The following ANKS1B variants were observed in gnomAD, a reference collection of about 807,000 sequenced individuals.
The protein encoded by ANKS1B is ankyrin repeat and sterile alpha motif domain containing 1B.
A neutral mutation model predicts 148.3 loss-of-function variants in ANKS1B; 36 were observed. That is an observed-to-expected ratio of 0.24 (90% CI 0.19 to 0.32). The LOEUF (loss-of-function observed/expected upper bound fraction) is 0.32. Ranked by LOEUF, ANKS1B falls within the 10% of genes least tolerant of loss-of-function variation. ANKS1B has a pLI of 1.00. For missense variants in ANKS1B, 1,157 were observed against 1,542.6 expected, an observed-to-expected ratio of 0.75 and a Z score of 4.19; for synonymous variants, 542 against 560.8, an observed-to-expected ratio of 0.97 and a Z score of 0.47.
At chr12:99,052,410 G>C (rs1024339312) in intron 17 of ANKS1B, among the ~76,000 whole-genome samples, 1 of 152,208 alleles carries the variant, frequency 6.6e-6, no homozygotes, top group African/African-American at 2.4e-5. Flanking sequence ...CTTGGAGTGT[G>C]GGATTTGTAT....
At chr12:99,760,950 T>C (rs2062037368) in intron 8 of ANKS1B, among the ~76,000 whole-genome samples, 1 of 146,038 alleles carries the variant, frequency 6.8e-6, no homozygotes, top group Non-Finnish European at 1.5e-5. Flanking sequence ...CTAGAGGAAG[T>C]AGATAAATTC....
In ANKS1B at chr12:99,501,093, T is replaced by C. The variant is rs189820742; in HGVS notation, c.1438+3383A>G. On this transcript the variant is annotated intron_variant, in intron 10 of 26. Transcript: ENST00000683438. ...GAATTTTTTTCATTTCTAAAAGTTTTTTTTTTCCTCTCCAATATGCTAGGT... is the reference window on the plus strand; with the variant it reads ...GAATTTTTTTCATTTCTAAAAGTTTCTTTTTTCCTCTCCAATATGCTAGGT... Among the ~76,000 whole-genome samples the C allele has an allele frequency of 1.2e-3, 182 of 152,226 alleles. 1 individual carries two copies. The highest frequency in any genetic ancestry group is 3.4e-3 in the Middle Eastern group (1 of 294).
chr12:98,788,764 A>G (rs1051475456), intron 22 of ANKS1B, among the ~76,000 whole-genome samples: 1 of 152,240 alleles, frequency 6.6e-6, no homozygotes, highest in Non-Finnish European at 1.5e-5. Flanking sequence ...AGTTTGATTG[A>G]AAGTTACTGT....
intron 17 of ANKS1B, among the ~76,000 whole-genome samples, chr12:99,043,617 C>T (rs1026765351): frequency 1.3e-5 from 2 of 152,192 alleles, no homozygotes; most frequent in African/African-American, 4.8e-5. Context: ...GATTTTCAGA[C>T]CACTGATTTC....
intron 17 of ANKS1B, among the ~76,000 whole-genome samples, chr12:98,872,203 A>G (rs200789): frequency 0.6 from 90,621 of 151,958 alleles, 27,387 homozygotes; most frequent in African/African-American, 0.69. Flanking sequence ...CTAATTCCCA[A>G]TACCTATGAA....
At chr12:99,030,225 C>A (rs1205552593) in intron 17 of ANKS1B, among the ~76,000 whole-genome samples, 1 of 152,208 alleles carries the variant, frequency 6.6e-6, no homozygotes, top group East Asian at 1.9e-4. Flanking sequence ...TGCTCCCCAG[C>A]AAGTGCAGGG....
At chr12:99,154,222 C>A in intron 15 of ANKS1B, 67 bp downstream of exon 15, 1 of 1,582,928 alleles carries the variant, frequency 6.3e-7, no homozygotes, top group South Asian at 1.2e-5. Context: ...TGCCTCTGAG[C>A]CATGTAAGAC....
intron 16 of ANKS1B, among the ~76,000 whole-genome samples, chr12:99,080,911 T>C (rs2049494650): frequency 6.6e-6 from 1 of 152,170 alleles, no homozygotes; most frequent in Non-Finnish European, 1.5e-5. Context: ...AAAGGTGAAA[T>C]TTGATCTTCA....
intron 9 of ANKS1B, among the ~76,000 whole-genome samples, chr12:99,534,246 T>G (rs962337002): frequency 6.6e-6 from 1 of 152,218 alleles, no homozygotes; most frequent in African/African-American, 2.4e-5. Flanking sequence ...AGTGAACAAC[T>G]GAATGAGAAG....
At chr12:99,030,045 G>A (rs942594814) in intron 17 of ANKS1B, among the ~76,000 whole-genome samples, 1 of 152,238 alleles carries the variant, frequency 6.6e-6, no homozygotes, top group African/African-American at 2.4e-5. Context: ...AAACCATAAT[G>A]TGTTCCCAGT....
At chr12:99,119,774 T>C (rs1298411030) in intron 15 of ANKS1B, among the ~76,000 whole-genome samples, 1 of 152,172 alleles carries the variant, frequency 6.6e-6, no homozygotes, top group Non-Finnish European at 1.5e-5. Context: ...ATTCAGCAAG[T>C]CCTCACTTAA....
At chr12:99,172,676 A>G (rs1353687276) in intron 14 of ANKS1B, among the ~76,000 whole-genome samples, 5 of 152,276 alleles carry the variant, frequency 3.3e-5, no homozygotes, top group African/African-American at 1.2e-4. Flanking sequence ...ATGGCAAATG[A>G]ACACTCTTTA....
At position 99,057,177 on chromosome 12, in the gene ANKS1B, T is replaced by C. The variant is rs1178225045; in HGVS notation, c.2626-3868A>G. 2.6e-5 allele frequency among the ~76,000 whole-genome samples: 4 copies of C among 152,198 alleles called. No homozygotes were observed. In the East Asian group the frequency reaches 5.8e-4, roughly 22 times the overall value. ...AGTGCTACGTATTTGTTGGGTGATC[T>C]TTGGCAAGTTACTCTTTCAGCCTGT... On this transcript the variant is annotated intron_variant, in intron 16 of 26. Coordinates refer to ENST00000683438, the MANE Select transcript of ANKS1B (RefSeq NM_001352186.2).
chr12:98,848,756 T>G (rs1187194933), intron 17 of ANKS1B, among the ~76,000 whole-genome samples: 3 of 140,508 alleles, frequency 2.1e-5, no homozygotes, highest in Non-Finnish European at 4.6e-5. Flanking sequence ...TTTTTTTTTT[T>G]GAGACGGAGT....
intron 25 of ANKS1B, among the ~76,000 whole-genome samples, chr12:98,762,541 T>C (rs547356660): frequency 6.6e-6 from 1 of 152,344 alleles, no homozygotes; most frequent in South Asian, 2.1e-4. Context: ...CTATTCCAAA[T>C]GGCCAAGCAT....
intron 9 of ANKS1B, among the ~76,000 whole-genome samples, chr12:99,643,688 A>G (rs1227222126): frequency 1.3e-5 from 2 of 152,214 alleles, no homozygotes; most frequent in Non-Finnish European, 2.9e-5. Context: ...AGTCCAAGCT[A>G]CCAAAGTCTC....
rs190575832 is a variant in ANKS1B, at chr12:99,544,519, T to C, written c.1273-39878A>G. On this transcript the variant is annotated intron_variant, in intron 9 of 26. Coordinates refer to ENST00000683438, the MANE Select transcript of ANKS1B (RefSeq NM_001352186.2). Reference sequence around the variant, plus strand: ...GTTTCAAGAACGAAACAAAATGTCCTGTGTAAAAGATCTAATACCACTTCC... The same window carrying C: ...GTTTCAAGAACGAAACAAAATGTCCCGTGTAAAAGATCTAATACCACTTCC... Among the ~76,000 whole-genome samples, 731 of 152,320 alleles carry C rather than the reference T, an allele frequency of 4.8e-3. 3 individuals are homozygous for C. The highest frequency in any genetic ancestry group is 0.01 in the Middle Eastern group (3 of 292).
intron 6 of ANKS1B, among the ~76,000 whole-genome samples, chr12:99,778,959 T>G (rs1304576622): frequency 6.6e-6 from 1 of 152,198 alleles, no homozygotes; most frequent in Non-Finnish European, 1.5e-5. Flanking sequence ...ACCACCCTCC[T>G]CTATCATACT....
chr12:99,854,326 G>A (rs78561782), intron 1 of ANKS1B, among the ~76,000 whole-genome samples: 1 of 152,248 alleles, frequency 6.6e-6, no homozygotes, highest in Non-Finnish European at 1.5e-5. Context: ...CAAGGTTTTT[G>A]AATTAACCCA....
Sources: allele counts gnomAD v4.1 joint callset (sites outside exome capture counted in the v4.1 genomes callset), GRCh38; gene constraint gnomAD v4.1.1; transcripts MANE v1.5; gene names NCBI Gene and HGNC (gene_info 2026-07-23, HGNC 2026-07-21).